UBR4: variants seen among roughly 807,000 people sequenced by gnomAD.
UBR4 encodes E3 ubiquitin-protein ligase UBR4.
UBR4 carries 124 observed loss-of-function variants against 575.6 expected under a neutral mutation model. The ratio of observed to expected loss-of-function variants is 0.22; its 90% CI spans 0.19 to 0.25. UBR4 has a LOEUF of 0.25. UBR4 is among the 10% of genes least tolerant of loss of function. UBR4 has a pLI of 1.00. For missense variants in UBR4, 4,818 were observed against 6,478.8 expected (o/e 0.74, Z 8.80); for synonymous variants, 2,455 against 2,473.7 (o/e 0.99, Z 0.22).
In UBR4 at chr1:19,106,954, C is replaced by G. The variant is rs781427854; in HGVS notation, c.12118G>C (p.Glu4040Gln). Residue 4040 changes from glutamate (E) to glutamine (Q), a missense_variant, in exon 82 of 106, where the codon GAG (glutamate) becomes CAG (glutamine). By Grantham distance (29) the Glu-to-Gln change is conservative (BLOSUM62 2). Transcript: ENST00000375254. ...TATGGCTTCACCGTGGTGAGGGCCT[C>G]AACGGGGACATCCTGGAGGAGGCAA... is the stretch of plus-strand genomic sequence containing the variant. ...TSKKNKDVPV[E>Q]ALTTVKPYCN... 2 of 1,612,136 alleles carry G rather than the reference C, an allele frequency of 1.2e-6. No individual in the cohort carries two copies. The highest frequency in any genetic ancestry group is 1.1e-5 in the South Asian group (1 of 90,976).
At chr1:19,114,479 C>A (rs1305515054) in intron 75 of UBR4, among the ~76,000 whole-genome samples, 2 of 152,114 alleles carry the variant, frequency 1.3e-5, no homozygotes, top group Admixed American at 6.5e-5. Context: ...TAGCACTGGA[C>A]AATCTAATAC....
At chr1:19,119,535 C>G (rs2080949926) in intron 70 of UBR4, 22 bp downstream of exon 70, 6 of 1,606,670 alleles carry the variant, frequency 3.7e-6, no homozygotes, top group Non-Finnish European at 5.1e-6. Flanking sequence ...GTTGGCCCCT[C>G]TGACCATAAA....
chr1:19,208,052 A>C (rs2093097001), intron 1 of UBR4, among the ~76,000 whole-genome samples: 1 of 152,242 alleles, frequency 6.6e-6, no homozygotes, highest in Admixed American at 6.5e-5. Flanking sequence ...ACTGTAAAGA[A>C]CTTGTAAGCC....
chr1:19,154,827 A>G, intron 44 of UBR4, 91 bp downstream of exon 44: 2 of 1,546,760 alleles, frequency 1.3e-6, no homozygotes, highest in East Asian at 2.3e-5. Context: ...TAAGTTTCAC[A>G]AAACTCAGAA....
chr1:19,110,604 C>T lies in UBR4; in HGVS notation c.11892+138G>A, dbSNP rs1209321338. The T allele has an allele frequency of 7.4e-7, 1 of 1,360,158 alleles. No homozygotes were observed. The highest frequency in any genetic ancestry group is 1.0e-6 in the Non-Finnish European group (1 of 959,900). 84.3% of individuals were successfully genotyped at this position (1,360,158 alleles called of 1,614,324 possible). On this transcript the variant is annotated intron_variant, in intron 79 of 105. Coordinates refer to ENST00000375254, the MANE Select transcript of UBR4 (RefSeq NM_020765.3). The surrounding 1 kb of genome is among the most constrained non-coding windows in gnomAD (Gnocchi z 4.5). ...GGAGACCCTTGTGCTCCAGGCTCTT[C>T]CCTGGGAAAACCATTCTGGGGTAAT...
chr1:19,087,453 G>A (rs2077127560), intron 99 of UBR4, among the ~76,000 whole-genome samples: 2 of 152,254 alleles, frequency 1.3e-5, no homozygotes, highest in Admixed American at 6.5e-5. Context: ...AGTCTGAGAA[G>A]CCTAGGCTGG....
intron 102 of UBR4, 23 bp downstream of exon 102, chr1:19,084,481 C>CCCAGTA (rs2076820549): frequency 1.9e-6 from 3 of 1,581,204 alleles, no homozygotes; most frequent in Non-Finnish European, 2.6e-6. Flanking sequence ...CGAGATGCCG[C>CCCAGTA]CCCTGGGACA....
intron 105 of UBR4, among the ~76,000 whole-genome samples, chr1:19,075,760 C>T (rs1429787264): frequency 1.3e-5 from 2 of 152,256 alleles, no homozygotes; most frequent in Admixed American, 1.3e-4. Context: ...GAGCAACACT[C>T]TAGCCCTTTA....
At chr1:19,193,703 T>A (rs932809516) in intron 8 of UBR4, 146 bp from the exon 9 acceptor site, 2 of 1,157,302 alleles carry the variant, frequency 1.7e-6, no homozygotes, top group Non-Finnish European at 2.4e-6. Context: ...CTAAATAGGT[T>A]TACCATACAA....
At chr1:19,206,955 C>CTCAATGATGACTCAAGGA (rs1393018064) in intron 1 of UBR4, among the ~76,000 whole-genome samples, 6 of 152,126 alleles carry the variant, frequency 3.9e-5, no homozygotes, top group Admixed American at 1.3e-4. Context: ...GTCTCAAGCA[C>CTCAATGATGACTCAAGGA]GTCATCATTC....
chr1:19,091,162 T>A (rs559646948), intron 97 of UBR4, among the ~76,000 whole-genome samples: 1 of 152,232 alleles, frequency 6.6e-6, no homozygotes, highest in African/African-American at 2.4e-5. Flanking sequence ...TTGTGTTGCC[T>A]TTGGCCAAAT....
chr1:19,130,199 G>A (rs537660479), intron 60 of UBR4, among the ~76,000 whole-genome samples: 2 of 152,262 alleles, frequency 1.3e-5, no homozygotes, highest in South Asian at 4.1e-4. Flanking sequence ...CTGGGCAACA[G>A]AGCTGAAGTG....
intron 103 of UBR4, chr1:19,080,376 G>T (rs1470528419): frequency 6.6e-6 from 1 of 152,152 alleles, no homozygotes; most frequent in South Asian, 2.1e-4. Flanking sequence ...GACCAGCAAC[G>T]CTTGATCAAT....
intron 102 of UBR4, 67 bp downstream of exon 102, chr1:19,084,437 G>A: frequency 6.7e-7 from 1 of 1,488,100 alleles, no homozygotes; most frequent in Non-Finnish European, 9.1e-7. Context: ...AAAAGCTGAG[G>A]GGATCTCGGG....
At chr1:19,187,104 A>T (rs950765523) in intron 13 of UBR4, 60 bp downstream of exon 13, 1 of 1,166,082 alleles carries the variant, frequency 8.6e-7, no homozygotes. Context: ...ATACATATAT[A>T]TATCATATAT....
chr1:19,168,248 G>GA (rs1054489855), intron 27 of UBR4, 64 bp from the exon 28 acceptor site: 2,541 of 1,402,300 alleles, frequency 1.8e-3, no homozygotes, highest in South Asian at 3.4e-3. Flanking sequence ...TTCTCACATG[G>GA]AAAAAAAAAC....
At chr1:19,087,983 C>T (rs2077178679) in intron 98 of UBR4, 54 bp from the exon 99 acceptor site, 1 of 1,428,950 alleles carries the variant, frequency 7.0e-7, no homozygotes, top group African/African-American at 1.4e-5. Flanking sequence ...CCCTCTCCCA[C>T]CCTAGCTTGG....
At chr1:19,160,356 T>C (rs1481427319) in intron 38 of UBR4, 75 bp from the exon 39 acceptor site, 6 of 1,363,922 alleles carry the variant, frequency 4.4e-6, no homozygotes, top group East Asian at 2.5e-5. Context: ...GTAAAAATCA[T>C]CTTGCCAGTA....
Position 19,153,598 on chromosome 1 carries a change from A to T in UBR4, c.6631-96T>A, listed in dbSNP as rs899043210. ...CAGAGATGCAACTGGTTTCATGGTC[A>T]GTTGAGGGGCTGTACAGAAGGGTGG... On this transcript the variant is annotated intron_variant, in intron 45 of 105. Transcript: ENST00000375254. This position sits in a 1 kb window ranked among gnomAD's most constrained non-coding sequence, Gnocchi z 4.1. The T allele has an allele frequency of 3.3e-6, 5 of 1,526,516 alleles. No individual in the cohort carries two copies. The highest frequency in any genetic ancestry group is 1.8e-5 in the Admixed American group (1 of 57,074). 94.6% of individuals were successfully genotyped at this position (1,526,516 alleles called of 1,614,324 possible).
Sources: gnomAD v4.1 joint callset for allele counts (sites outside exome capture counted in the v4.1 genomes callset) on GRCh38, gnomAD v4.1.1 for gene constraint, Gnocchi (gnomAD v3.1) non-coding constraint, MANE v1.5 for transcripts, NCBI Gene and HGNC (gene_info 2026-07-23, HGNC 2026-07-21) for gene names.